LITAF: variants seen among roughly 807,000 people sequenced by gnomAD.
LITAF encodes lipopolysaccharide-induced tumor necrosis factor-alpha factor.
A neutral mutation model predicts 14.5 loss-of-function variants in LITAF; 9 were observed. The observed-to-expected ratio is 0.62, with a 90% confidence interval of 0.37 to 1.08. The LOEUF (loss-of-function observed/expected upper bound fraction) is 1.08. Among genes scored for constraint, LITAF ranks in the 50% least tolerant of loss-of-function variants. The pLI is 0.01. For synonymous variants in LITAF, 98 were observed against 88.2 expected, an observed-to-expected ratio of 1.11 and a Z score of -0.62; for missense variants, 206 against 213.4, an observed-to-expected ratio of 0.97 and a Z score of 0.22.
intron 1 of LITAF, among the ~76,000 whole-genome samples, chr16:11,560,206 A>G (rs2064339469): frequency 6.6e-6 from 1 of 151,838 alleles, no homozygotes; most frequent in Non-Finnish European, 1.5e-5. Context: ...CTGAGGCAGG[A>G]TAATCACTTG....
intron 3 of LITAF, chr16:11,551,862 T>C: frequency 4.1e-6 from 2 of 490,644 alleles, no homozygotes; most frequent in South Asian, 3.0e-5. Flanking sequence ...CTATTCCATC[T>C]TTCCCTGATT....
At chr16:11,581,334 T>C (rs77698937) in intron 1 of LITAF, among the ~76,000 whole-genome samples, 2,246 of 152,250 alleles carry the variant, frequency 0.015, 49 homozygotes, top group African/African-American at 0.051. Flanking sequence ...CCCAAAGCAC[T>C]CAAGTTCAAT....
intron 3 of LITAF, among the ~76,000 whole-genome samples, chr16:11,614,531 C>G (rs2065004870): frequency 1.3e-5 from 2 of 152,044 alleles, no homozygotes; most frequent in Admixed American, 6.6e-5. Flanking sequence ...AACTCCTGAC[C>G]TCAAGTGACC....
chr16:11,575,126 G>A (rs1823011839), intron 1 of LITAF, among the ~76,000 whole-genome samples: 1 of 151,808 alleles, frequency 6.6e-6, no homozygotes, highest in African/African-American at 2.4e-5. Context: ...TTTTCATGTT[G>A]CACTATGATC....
At chr16:11,565,634 C>T (rs1316512628) in intron 1 of LITAF, among the ~76,000 whole-genome samples, 5 of 151,994 alleles carry the variant, frequency 3.3e-5, no homozygotes, top group Non-Finnish European at 7.4e-5. Flanking sequence ...TCTTGACTAG[C>T]GCGACTCCCT....
upstream of LITAF, among the ~76,000 whole-genome samples, chr16:11,637,880 C>CAAA (rs374814538): frequency 2.6e-5 from 1 of 37,910 alleles, no homozygotes; most frequent in Non-Finnish European, 4.3e-5. Context: ...GAACCTTCCT[C>CAAA]AAAAAAAAAA....
rs1416667229 is a variant in LITAF, at chr16:11,547,980, A to G, written c.*1657T>C. On this transcript the variant is annotated 3_prime_UTR_variant, in exon 4 of 4. Coordinates refer to ENST00000622633, the MANE Select transcript of LITAF (RefSeq NM_001136472.2). ...CAACATGAGCCCTTTCTTCACACCA[A>G]AAGAACTCATAAATAGTTCACCGGG... 2.2e-6 allele frequency: 1 copy of G among 454,032 alleles called. No homozygotes were observed. Among genetic ancestry groups the G allele is most frequent in the Non-Finnish European group, 4.4e-6 (1 of 226,808 alleles). 28.1% of individuals were successfully genotyped at this position (454,032 alleles called of 1,614,324 possible). A position where few individuals can be genotyped will look rare whatever the true frequency, so the allele number is the denominator to read the frequency against.
In LITAF at chr16:11,632,630, C is replaced by T. The variant is rs531654547; in HGVS notation, c.85+903G>A. Among the ~76,000 whole-genome samples, 2 of 152,176 alleles carry T rather than the reference C, an allele frequency of 1.3e-5. No individual in the cohort carries two copies. The highest frequency in any genetic ancestry group is 6.5e-5 in the Admixed American group (1 of 15,274). On this transcript the variant is annotated intron_variant, in intron 3 of 3. Transcript: ENST00000574848. The surrounding 1 kb of genome is among the most constrained non-coding windows in gnomAD (Gnocchi z 4.8). ...TGGCCCCATCTGGAGGAAGCCCCAC[C>T]GAGCCAGAGCCAGGGGAAGAACTGA...
At chr16:11,578,626 T>C (rs2064682587) in intron 1 of LITAF, among the ~76,000 whole-genome samples, 2 of 152,202 alleles carry the variant, frequency 1.3e-5, no homozygotes, top group African/African-American at 4.8e-5. Flanking sequence ...CAGGAATACT[T>C]TACTCTCTCC....
At chr16:11,575,858 T>C (rs1255787086) in intron 1 of LITAF, among the ~76,000 whole-genome samples, 2 of 152,096 alleles carry the variant, frequency 1.3e-5, no homozygotes, top group Non-Finnish European at 2.9e-5. Context: ...ATCTTAACCT[T>C]TTTCTTTTCT....
upstream of LITAF, among the ~76,000 whole-genome samples, chr16:11,591,414 G>A (rs1233941812): frequency 6.8e-6 from 1 of 147,240 alleles, no homozygotes; most frequent in Non-Finnish European, 1.5e-5. Flanking sequence ...TGAACTCCTG[G>A]GCTCAAGTAG....
upstream of LITAF, among the ~76,000 whole-genome samples, chr16:11,637,625 G>A (rs1407310700): frequency 2.0e-5 from 3 of 152,118 alleles, no homozygotes; most frequent in African/African-American, 7.2e-5. Context: ...TGCACGCAGC[G>A]GCTCACGCCT....
intron 1 of LITAF, among the ~76,000 whole-genome samples, chr16:11,567,018 T>C (rs888219114): frequency 1.3e-5 from 2 of 152,198 alleles, no homozygotes; most frequent in Non-Finnish European, 2.9e-5. Context: ...AATCCGTGAA[T>C]TGAGCCTGGA....
At chr16:11,606,898 C>A (rs2064957833) in intron 3 of LITAF, among the ~76,000 whole-genome samples, 1 of 152,190 alleles carries the variant, frequency 6.6e-6, no homozygotes, top group Non-Finnish European at 1.5e-5. Flanking sequence ...CTCAGCTGGT[C>A]AGAGTGCTGG....
chr16:11,621,651 C>T (rs2065052124), intron 3 of LITAF, among the ~76,000 whole-genome samples: 1 of 151,938 alleles, frequency 6.6e-6, no homozygotes, highest in Non-Finnish European at 1.5e-5. Flanking sequence ...GGAAGCACAA[C>T]CCACGTTCTA....
chr16:11,559,518 A>G (rs913966320), intron 1 of LITAF, among the ~76,000 whole-genome samples: 1 of 152,144 alleles, frequency 6.6e-6, no homozygotes, highest in African/African-American at 2.4e-5. Flanking sequence ...TTTAGCATTC[A>G]ATTTGGGATA....
chr16:11,576,206 T>C (rs1597351973), intron 1 of LITAF, among the ~76,000 whole-genome samples: 6 of 151,866 alleles, frequency 4.0e-5, no homozygotes. Flanking sequence ...CGGTGGCTCA[T>C]GCCTGTAATC....
In LITAF at chr16:11,615,662, T is replaced by C. The variant is rs562582076; in HGVS notation, c.85+17871A>G. On this transcript the variant is annotated intron_variant, in intron 3 of 3. Transcript: ENST00000574848. ...CAGCCTGGGAGACAGAGTGAGACTA[T>C]GTCTTTAAAAATAAATAAATAACTA... Among the ~76,000 whole-genome samples, 409 of 152,306 alleles carry C rather than the reference T, an allele frequency of 2.7e-3. 2 individuals are homozygous for C. The highest frequency in any genetic ancestry group is 9.4e-3 in the African/African-American group (390 of 41,556).
intron 3 of LITAF, among the ~76,000 whole-genome samples, chr16:11,612,057 C>G (rs1295488918): frequency 6.6e-6 from 1 of 152,196 alleles, no homozygotes; most frequent in Non-Finnish European, 1.5e-5. Context: ...CTTCCTTCTT[C>G]CCCTCGGGGC....
Sources: allele counts gnomAD v4.1 joint callset (sites outside exome capture counted in the v4.1 genomes callset), GRCh38; gene constraint gnomAD v4.1.1; non-coding constraint Gnocchi (gnomAD v3.1); transcripts MANE v1.5; gene names NCBI Gene and HGNC (gene_info 2026-07-23, HGNC 2026-07-21).